STAU2: variants seen among roughly 807,000 people sequenced by gnomAD.
The protein encoded by STAU2 is double-stranded RNA-binding protein Staufen homolog 2.
Under a neutral mutation model 65.9 loss-of-function variants are expected in STAU2, and 20 were observed. The ratio of observed to expected loss-of-function variants is 0.30; its 90% CI spans 0.21 to 0.44. The LOEUF (loss-of-function observed/expected upper bound fraction) is 0.44, where lower values mean the gene tolerates loss of function less well. Among genes scored for constraint, STAU2 ranks in the 20% least tolerant of loss-of-function variants. STAU2 has a pLI of 1.00. For missense variants in STAU2, 558 were observed against 683.9 expected, an observed-to-expected ratio of 0.82 and a Z score of 2.05; for synonymous variants, 232 against 233.9, an observed-to-expected ratio of 0.99 and a Z score of 0.07.
chr8:73,571,822 A>G lies in STAU2; in HGVS notation c.1222+10948T>C, dbSNP rs1183223201. Among the ~76,000 whole-genome samples the G allele has an allele frequency of 2.6e-5, 4 of 152,238 alleles. No individual in the cohort carries two copies. In the East Asian group the frequency reaches 7.7e-4, roughly 29 times the overall value. On this transcript the variant is annotated intron_variant, in intron 12 of 14. Transcript: ENST00000524300. ...AAAGATCTAAAATTGACACCCTAAC[A>G]TCACAATTAAAAGAACTAGAGAAGC...
At chr8:73,654,773 G>A (rs917765601) in intron 6 of STAU2, among the ~76,000 whole-genome samples, 2 of 118,774 alleles carry the variant, frequency 1.7e-5, no homozygotes, top group African/African-American at 3.2e-5. Flanking sequence ...TGCAAGCTCC[G>A]CCTCCCGGGT....
chr8:73,549,171 A>G (rs978371336), intron 13 of STAU2, among the ~76,000 whole-genome samples: 5 of 152,218 alleles, frequency 3.3e-5, no homozygotes, highest in African/African-American at 1.2e-4. Context: ...ATGAGTTCTT[A>G]TAAAATGTGT....
chr8:73,603,856 G>A lies in STAU2; in HGVS notation c.899C>T (p.Pro300Leu). ...KRPKTIVKAG[P>L]EYGQGMNPIS... ...AGGGTTCATCCCTTGGCCATATTCTGGTCCGGCCTAAAAATTAATTTAAGA... is the reference window on the plus strand; with the variant it reads ...AGGGTTCATCCCTTGGCCATATTCTAGTCCGGCCTAAAAATTAATTTAAGA... Residue 300 changes from proline (P) to leucine (L), a missense_variant, in exon 10 of 15, where the codon CCA becomes CTA. Physicochemically the swap from Pro to Leu is moderately conservative, Grantham distance 98. Transcript: ENST00000524300. 6.3e-7 allele frequency: 1 copy of A among 1,584,218 alleles called. No homozygotes were observed. Among genetic ancestry groups the A allele is most frequent in the Non-Finnish European group, 8.5e-7 (1 of 1,171,246 alleles).
chr8:73,739,804 T>C lies in STAU2; in HGVS notation c.-132A>G, dbSNP rs1806710454. ...CTTTGTGTATCTTTGAGTTCTTCTT[T>C]TTCTGTCTTCTTTTTTTTCTTCAAT... On this transcript the variant is annotated 5_prime_UTR_variant, in exon 2 of 15. Coordinates refer to ENST00000524300, the MANE Select transcript of STAU2 (RefSeq NM_001164380.2). The C allele has an allele frequency of 6.6e-7, 1 of 1,526,420 alleles. No homozygotes were observed. Among genetic ancestry groups the C allele is most frequent in the Non-Finnish European group, 8.8e-7 (1 of 1,141,764 alleles). The allele number at this position is 1,526,420 out of a possible 1,614,324, so 94.6% of individuals were successfully genotyped here.
At chr8:73,474,885 G>C (rs1267405869) in intron 13 of STAU2, among the ~76,000 whole-genome samples, 1 of 152,128 alleles carries the variant, frequency 6.6e-6, no homozygotes, top group African/African-American at 2.4e-5. Context: ...CTAAAATCTA[G>C]AAAGGTTACA....
intron 13 of STAU2, among the ~76,000 whole-genome samples, chr8:73,463,100 G>T (rs1819460734): frequency 6.6e-6 from 1 of 152,200 alleles, no homozygotes; most frequent in African/African-American, 2.4e-5. Flanking sequence ...TTTGACCCCT[G>T]GCTGTGTGAT....
intron 3 of STAU2, among the ~76,000 whole-genome samples, chr8:73,723,421 T>C (rs1821819738): frequency 6.6e-6 from 1 of 152,260 alleles, no homozygotes; most frequent in Admixed American, 6.5e-5. Context: ...CTTCTTTATC[T>C]GTAGATTTAT....
chr8:73,453,796 A>T (rs76588397), intron 13 of STAU2, among the ~76,000 whole-genome samples: 1 of 152,050 alleles, frequency 6.6e-6, no homozygotes, highest in African/African-American at 2.4e-5. Flanking sequence ...TAAAAAAAAA[A>T]GATACAAAGC....
At chr8:73,684,650 A>G (rs1423111276) in intron 5 of STAU2, among the ~76,000 whole-genome samples, 2 of 152,336 alleles carry the variant, frequency 1.3e-5, no homozygotes, top group African/African-American at 4.8e-5. Context: ...AGTTAAATAA[A>G]TAATCAGCAA....
At chr8:73,663,096 C>A (rs1399723618) in intron 6 of STAU2, among the ~76,000 whole-genome samples, 2 of 152,132 alleles carry the variant, frequency 1.3e-5, no homozygotes, top group Non-Finnish European at 2.9e-5. Flanking sequence ...CTGTAAAGGG[C>A]CCAATATAAA....
At chr8:73,668,474 T>C (rs1387102326) in intron 6 of STAU2, among the ~76,000 whole-genome samples, 1 of 152,182 alleles carries the variant, frequency 6.6e-6, no homozygotes, top group East Asian at 1.9e-4. Flanking sequence ...TGCTAAGCAA[T>C]AATATTTTTT....
chr8:73,609,602 C>T (rs956928089), intron 9 of STAU2, among the ~76,000 whole-genome samples: 2 of 151,726 alleles, frequency 1.3e-5, no homozygotes, highest in South Asian at 2.1e-4. Context: ...TGCAGTGAGC[C>T]GAGATCATGC....
Position 73,582,818 on chromosome 8 carries a change from T to C in STAU2, c.1174A>G (p.Lys392Glu). 6.2e-7 allele frequency: 1 copy of C among 1,611,864 alleles called. No homozygotes were observed. Among genetic ancestry groups the C allele is most frequent in the Non-Finnish European group, 8.5e-7 (1 of 1,178,448 alleles). The change falls in exon 12 of 15, where the codon AAA becomes GAA. Residue 392 changes from lysine to glutamate, a missense_variant. Physicochemically the swap from Lys to Glu is moderately conservative, Grantham distance 56. Around this residue, in one of 3 missense-constraint regions of STAU2, gnomAD observed 247 missense variants for 270.1 expected, o/e 0.91. Coordinates refer to ENST00000524300, the MANE Select transcript of STAU2 (RefSeq NM_001164380.2). ...CCAGGCTTTGGACCACTCCATCCTT[T>C]GTTTTCCCCTGTCTGAAAGATTAAA... is the stretch of plus-strand genomic sequence containing the variant. ...QDQLEKTGEN[K>E]GWSGPKPGFP...
chr8:73,517,777 C>T (rs1374279454), intron 13 of STAU2, among the ~76,000 whole-genome samples: 1 of 152,036 alleles, frequency 6.6e-6, no homozygotes, highest in Non-Finnish European at 1.5e-5. Context: ...AGTTCGTGGC[C>T]TTTGACTCTA....
chr8:73,707,552 T>C (rs897141078), intron 4 of STAU2, among the ~76,000 whole-genome samples: 2 of 151,822 alleles, frequency 1.3e-5, no homozygotes, highest in Middle Eastern at 3.4e-3. Flanking sequence ...AAGTGAGCCA[T>C]AAGAAATGTG....
intron 12 of STAU2, among the ~76,000 whole-genome samples, chr8:73,566,459 T>A (rs1176466368): frequency 6.6e-6 from 1 of 152,158 alleles, no homozygotes; most frequent in Non-Finnish European, 1.5e-5. Context: ...TAATAAAACA[T>A]CTTAAATGTT....
intron 13 of STAU2, among the ~76,000 whole-genome samples, chr8:73,500,521 G>A (rs888563209): frequency 4.0e-5 from 6 of 151,630 alleles, no homozygotes; most frequent in Admixed American, 2.0e-4. Context: ...AACAAACTAT[G>A]CTTGTTTCTG....
chr8:73,447,939 C>G (rs1369553689), intron 13 of STAU2, among the ~76,000 whole-genome samples: 1 of 152,202 alleles, frequency 6.6e-6, no homozygotes, highest in Non-Finnish European at 1.5e-5. Context: ...CGGGACATTC[C>G]CATGAGTGCA....
chr8:73,694,318 C>T (rs1020541039), intron 4 of STAU2, among the ~76,000 whole-genome samples: 1 of 152,136 alleles, frequency 6.6e-6, no homozygotes, highest in Admixed American at 6.5e-5. Flanking sequence ...TTGAACAACA[C>T]TATCAGCCAA....
Sources: allele counts gnomAD v4.1 joint callset (sites outside exome capture counted in the v4.1 genomes callset), GRCh38; gene constraint gnomAD v4.1.1; regional missense constraint gnomAD v4.1.1; transcripts MANE v1.5; gene names NCBI Gene and HGNC (gene_info 2026-07-23, HGNC 2026-07-21).